FGF13: variants seen among roughly 807,000 people sequenced by gnomAD.
FGF13 encodes fibroblast growth factor homologous factor 2.
A neutral mutation model predicts 19.5 loss-of-function variants in FGF13; 2 were observed. That is an observed-to-expected ratio of 0.10 (90% confidence interval 0.04 to 0.32). FGF13 has a LOEUF of 0.32. Ranked by LOEUF, FGF13 falls within the 10% of genes least tolerant of loss-of-function variation. The pLI is 1.00. For synonymous variants in FGF13, 72 were observed against 76.9 expected, an observed-to-expected ratio of 0.94 and a Z score of 0.33; for missense variants, 113 against 192.7, an observed-to-expected ratio of 0.59 and a Z score of 2.45.
intron 3 of FGF13, among the ~76,000 whole-genome samples, chrX:138,815,341 A>G (rs1289018432): frequency 9.0e-6 from 1 of 111,628 alleles, no homozygotes; most frequent in Non-Finnish European, 1.9e-5. Context: ...TGTTCTTACC[A>G]CAAAAAATAA....
chrX:139,033,969 AC>A (rs761202063), intron 1 of FGF13, among the ~76,000 whole-genome samples: 2 of 111,989 alleles, frequency 1.8e-5, no homozygotes, highest in Non-Finnish European at 3.8e-5. Flanking sequence ...ATGTCCAGCT[AC>A]AGGGTCCACA....
intron 3 of FGF13, among the ~76,000 whole-genome samples, chrX:138,783,875 T>C (rs1317751749): frequency 9.1e-6 from 1 of 110,454 alleles, no homozygotes; most frequent in Non-Finnish European, 1.9e-5. Context: ...TGTATGTCTA[T>C]TGCGACATTA....
intron 1 of FGF13, among the ~76,000 whole-genome samples, chrX:139,171,245 C>A (rs184400505): frequency 9.6e-4 from 108 of 111,980 alleles, no homozygotes; most frequent in African/African-American, 3.2e-3. Flanking sequence ...AGGATGCATT[C>A]TTGGGGCTAC....
At position 138,620,638 on chromosome X, in the gene FGF13, ATAAT is replaced by A. The variant is rs2089007276; in HGVS notation, c.*12208_*12211del. ...AGCAATAGTATGTCTTTACCTATAA[ATAAT>A]TAATTTTAATGTAAGTAGATTAAAT... On this transcript the variant is annotated 3_prime_UTR_variant, in exon 5 of 5. Coordinates refer to ENST00000315930, the MANE Select transcript of FGF13 (RefSeq NM_004114.5). 1 of 111,936 alleles carries A rather than the reference ATAAT, an allele frequency of 8.9e-6. No homozygotes were observed. The highest frequency in any genetic ancestry group is 1.9e-5 in the Non-Finnish European group (1 of 53,223). 9.2% of individuals were successfully genotyped at this position (111,936 alleles called of 1,213,427 possible).
chrX:138,929,263 GTGTCTCTC>G (rs896405517), intron 1 of FGF13, among the ~76,000 whole-genome samples: 7 of 108,849 alleles, frequency 6.4e-5, no homozygotes, highest in African/African-American at 2.4e-4. Flanking sequence ...GTGTGTGTGT[GTGTCTCTC>G]TGTGTGTGTG....
intron 1 of FGF13, among the ~76,000 whole-genome samples, chrX:138,976,145 C>A (rs777732770): frequency 1.8e-5 from 2 of 111,508 alleles, no homozygotes; most frequent in Non-Finnish European, 3.8e-5. Flanking sequence ...CCCTTGTGAC[C>A]ACCGGAAACA....
chrX:139,165,820 A>G (rs1241326662), intron 1 of FGF13, among the ~76,000 whole-genome samples: 1 of 111,782 alleles, frequency 8.9e-6, no homozygotes, highest in Admixed American at 9.5e-5. Context: ...AGGGTATGAT[A>G]GTCTCCACTT....
At chrX:138,850,748 T>C (rs1396607065) in intron 3 of FGF13, among the ~76,000 whole-genome samples, 1 of 112,409 alleles carries the variant, frequency 8.9e-6, no homozygotes, top group Non-Finnish European at 1.9e-5. Context: ...TCTTTTTAAG[T>C]TCCGGTGTAC....
intron 3 of FGF13, among the ~76,000 whole-genome samples, chrX:138,834,627 T>A (rs1194425553): frequency 2.7e-5 from 3 of 110,176 alleles, no homozygotes; most frequent in South Asian, 7.9e-4. Context: ...GGAGTGATCG[T>A]TTGAATGGTT....
chrX:139,196,866 C>G (rs1258840039), intron 1 of FGF13, among the ~76,000 whole-genome samples: 5 of 112,236 alleles, frequency 4.5e-5, no homozygotes, highest in African/African-American at 1.3e-4. Context: ...CATGTCAACT[C>G]CCTGGCCTAT....
intron 1 of FGF13, among the ~76,000 whole-genome samples, chrX:139,002,327 C>T (rs12840629): frequency 0.13 from 14,857 of 110,613 alleles, 907 homozygotes; most frequent in East Asian, 0.24. Context: ...TATCCCAGAA[C>T]TTAAAGTATA....
intron 3 of FGF13, chrX:138,806,804 C>T: frequency 9.0e-6 from 1 of 111,261 alleles, no homozygotes; most frequent in East Asian, 2.8e-4. Context: ...GGGAGGAAAA[C>T]TAGATCACTC....
At chrX:139,080,680 C>T (rs553743348) in intron 1 of FGF13, among the ~76,000 whole-genome samples, 6 of 111,930 alleles carry the variant, frequency 5.4e-5, no homozygotes, top group East Asian at 2.8e-4. Flanking sequence ...TGTGGGCCAT[C>T]GGTGCTGTCT....
In FGF13 at chrX:139,164,754, C is replaced by A. The variant is rs7057282; in HGVS notation, c.-113+38662G>T. 3.6e-3 allele frequency among the ~76,000 whole-genome samples: 391 copies of A among 110,073 alleles called. 3 individuals are homozygous for A. Among genetic ancestry groups the A allele is most frequent in the African/African-American group, 0.012 (375 of 30,260 alleles). On this transcript the variant is annotated intron_variant, in intron 1 of 2. Transcript: ENST00000421460. The stretch of plus-strand genomic sequence containing the variant: ...GGAGAATTCTATTAAAAAATACATT[C>A]ACAGCAACATTTGGACTGATGTTTG...
intron 3 of FGF13, among the ~76,000 whole-genome samples, chrX:138,673,248 G>A (rs2089632134): frequency 9.0e-6 from 1 of 111,507 alleles, no homozygotes; most frequent in African/African-American, 3.3e-5. Context: ...GCTGAAAGAG[G>A]AGACCTTGTG....
At chrX:139,161,649 T>A (rs777303748) in intron 1 of FGF13, among the ~76,000 whole-genome samples, 4 of 111,638 alleles carry the variant, frequency 3.6e-5, no homozygotes, top group East Asian at 5.7e-4. Context: ...ATTTAGACAA[T>A]CCCATTGCCT....
At position 138,875,231 on chromosome X, in the gene FGF13, C is replaced by CAA. The variant is rs748124343; in HGVS notation, c.-112-10583_-112-10582dup. ...TCGGTGACAGAGCGAGACTCTGTCTCAAAAAAAAAAAAAAAAACAGAAAAG... is the reference window on the plus strand; with the variant it reads ...TCGGTGACAGAGCGAGACTCTGTCTCAAAAAAAAAAAAAAAAAAACAGAAAAG... On this transcript the variant is annotated intron_variant, in intron 1 of 2. Coordinates refer to the FGF13 transcript ENST00000421460. Among the ~76,000 whole-genome samples the CAA allele has an allele frequency of 4.0e-3, 160 of 39,814 alleles. 2 individuals are homozygous for CAA. Among genetic ancestry groups the CAA allele is most frequent in the Admixed American group, 7.4e-3 (22 of 2,978 alleles). The allele number at this position is 39,814 out of a possible 115,157, so 34.6% of individuals were successfully genotyped here.
At chrX:138,812,058 G>C (rs2090929990) in intron 3 of FGF13, among the ~76,000 whole-genome samples, 1 of 109,555 alleles carries the variant, frequency 9.1e-6, no homozygotes, top group Non-Finnish European at 1.9e-5. Flanking sequence ...ATACCCATTA[G>C]CAATCACTCT....
At chrX:138,796,846 A>G (rs1011649372) in intron 3 of FGF13, among the ~76,000 whole-genome samples, 25 of 112,277 alleles carry the variant, frequency 2.2e-4, no homozygotes, top group African/African-American at 6.5e-4. Context: ...TGTTGGCCGC[A>G]TAAATGTCTT....
Sources: allele counts gnomAD v4.1 joint callset (sites outside exome capture counted in the v4.1 genomes callset), GRCh38; gene constraint gnomAD v4.1.1; transcripts MANE v1.5; gene names NCBI Gene and HGNC (gene_info 2026-07-23, HGNC 2026-07-21).